IARS1: variants seen among roughly 807,000 people sequenced by gnomAD.
The protein encoded by IARS1 is isoleucyl-tRNA synthetase 1, also known as isoleucine--tRNA ligase, cytoplasmic.
A neutral mutation model predicts 168.2 loss-of-function variants in IARS1; 124 were observed. That is an observed-to-expected ratio of 0.74 (90% confidence interval 0.64 to 0.86). IARS1 has a LOEUF of 0.86. Among genes scored for constraint, IARS1 ranks in the 40% least tolerant of loss-of-function variants. IARS1 has a pLI of 0.00. For synonymous variants in IARS1, 532 were observed against 529.4 expected, an observed-to-expected ratio of 1.00 and a Z score of -0.07; for missense variants, 1,452 against 1,515.8, an observed-to-expected ratio of 0.96 and a Z score of 0.70.
At position 92,227,589 on chromosome 9, in the gene IARS1, G is replaced by A. The variant is rs1825935441; in HGVS notation, c.3409+1412C>T. ...TCCTCACTTCTCAGACGGGGCGGCT[G>A]CCGGGCGGAGGGGCTCCTCACTTCT... On this transcript the variant is annotated intron_variant, in intron 31 of 33. Coordinates refer to ENST00000443024, the MANE Select transcript of IARS1 (RefSeq NM_002161.6). Among the ~76,000 whole-genome samples the A allele has an allele frequency of 2.7e-5, 4 of 147,114 alleles. No individual in the cohort carries two copies. The South Asian group carries it at 6.3e-4, about 23-fold the overall frequency.
At chr9:92,281,415 T>C (rs1834545741) in intron 6 of IARS1, among the ~76,000 whole-genome samples, 1 of 152,190 alleles carries the variant, frequency 6.6e-6, no homozygotes, top group Non-Finnish European at 1.5e-5. Flanking sequence ...ATTACAGGCG[T>C]GAGTCACCAT....
chr9:92,261,753 C>A (rs111806632), intron 17 of IARS1, among the ~76,000 whole-genome samples: 2 of 151,624 alleles, frequency 1.3e-5, no homozygotes, highest in Non-Finnish European at 2.9e-5. Flanking sequence ...AATACAATTT[C>A]CCCCTTTTTT....
In IARS1 at chr9:92,268,212, T is replaced by C. The variant is rs764069993; in HGVS notation, c.1393A>G (p.Thr465Ala). ...TCGCTGACCCACAGTGGGATGGGGG[T>C]GCCCCAGTATCTGTTTCTGGAAATT... ...WTISRNRYWG[T>A]PIPLWVSDDF... The change falls in exon 14 of 34, where the codon ACC (threonine) becomes GCC (alanine). Residue 465 changes from threonine (T) to alanine (A), a missense_variant. Thr to Ala is a moderately conservative substitution (Grantham distance 58). Coordinates refer to ENST00000443024, the MANE Select transcript of IARS1 (RefSeq NM_002161.6). 7.5e-6 allele frequency: 12 copies of C among 1,610,434 alleles called. No individual in the cohort carries two copies. The highest frequency in any genetic ancestry group is 9.3e-6 in the Non-Finnish European group (11 of 1,179,108).
chr9:92,221,123 C>A (rs1421665048), intron 33 of IARS1, among the ~76,000 whole-genome samples: 2 of 151,944 alleles, frequency 1.3e-5, no homozygotes, highest in Non-Finnish European at 1.5e-5. Context: ...ACCTTACCTG[C>A]AGAGGAACAA....
chr9:92,282,902 T>C (rs1382149188), intron 6 of IARS1, among the ~76,000 whole-genome samples: 2 of 150,596 alleles, frequency 1.3e-5, no homozygotes, highest in African/African-American at 4.9e-5. Flanking sequence ...TCACCCAGGC[T>C]GGAGTGCAGT....
intron 33 of IARS1, among the ~76,000 whole-genome samples, chr9:92,221,778 A>G (rs1380256660): frequency 6.6e-6 from 1 of 152,172 alleles, no homozygotes; most frequent in African/African-American, 2.4e-5. Flanking sequence ...TCACAGTGTT[A>G]CGTGTCTCAA....
intron 6 of IARS1, among the ~76,000 whole-genome samples, chr9:92,284,151 T>C (rs563917994): frequency 6.6e-6 from 1 of 152,326 alleles, no homozygotes; most frequent in Admixed American, 6.5e-5. Context: ...CACTCTAGCC[T>C]GGGTGACATA....
intron 33 of IARS1, among the ~76,000 whole-genome samples, chr9:92,212,057 G>A (rs916531495): frequency 6.6e-6 from 1 of 152,144 alleles, no homozygotes; most frequent in African/African-American, 2.4e-5. Flanking sequence ...AAAGCAAACA[G>A]ATGAGCTTCC....
At chr9:92,267,861 T>C (rs1832503787) in intron 14 of IARS1, among the ~76,000 whole-genome samples, 1 of 152,132 alleles carries the variant, frequency 6.6e-6, no homozygotes, top group Admixed American at 6.5e-5. Flanking sequence ...TATACCTTAA[T>C]GTAGGGGGAA....
At chr9:92,249,113 A>G (rs1017517373) in intron 25 of IARS1, among the ~76,000 whole-genome samples, 1 of 152,222 alleles carries the variant, frequency 6.6e-6, no homozygotes, top group Non-Finnish European at 1.5e-5. Context: ...AATTAAATAA[A>G]TTATGAAGCA....
chr9:92,242,371 C>A, intron 28 of IARS1, 41 bp from the exon 29 acceptor site: 1 of 1,517,274 alleles, frequency 6.6e-7, no homozygotes, highest in Non-Finnish European at 9.0e-7. Flanking sequence ...GAAGTACATT[C>A]TATTAATCAG....
chr9:92,223,499 A>G lies in IARS1; in HGVS notation c.3410-10T>C. The G allele has an allele frequency of 6.2e-7, 1 of 1,605,642 alleles. No homozygotes were observed. Among genetic ancestry groups the G allele is most frequent in the Non-Finnish European group, 8.5e-7 (1 of 1,175,096 alleles). On this transcript the variant is annotated splice_polypyrimidine_tract_variant and intron_variant, in intron 31 of 33. Coordinates refer to ENST00000443024, the MANE Select transcript of IARS1 (RefSeq NM_002161.6). ...GTTTGGTTTTGTATTTCTAAAAATAACAACAACAATTCTTTCAGGGTTAAC... is the reference window on the plus strand; with the variant it reads ...GTTTGGTTTTGTATTTCTAAAAATAGCAACAACAATTCTTTCAGGGTTAAC...
At chr9:92,293,298 CAATAA>C (rs143232399) in intron 1 of IARS1, 12,548 of 290,980 alleles carry the variant, frequency 0.043, 391 homozygotes, top group South Asian at 0.087. Flanking sequence ...TACGGTACAT[CAATAA>C]AATAAGTATC....
intron 20 of IARS1, among the ~76,000 whole-genome samples, chr9:92,255,306 C>T (rs2236341): frequency 0.4 from 61,573 of 152,054 alleles, 14,728 homozygotes; most frequent in African/African-American, 0.66. Flanking sequence ...CTGTGGCGGC[C>T]GCTGCTCCTG....
intron 9 of IARS1, among the ~76,000 whole-genome samples, chr9:92,276,771 T>C (rs1833834717): frequency 6.6e-6 from 1 of 152,204 alleles, no homozygotes; most frequent in African/African-American, 2.4e-5. Flanking sequence ...TTCAAGACCT[T>C]TAAATAAGGA....
chr9:92,260,819 T>A (rs1409653312), intron 17 of IARS1, among the ~76,000 whole-genome samples: 5 of 152,224 alleles, frequency 3.3e-5, no homozygotes, highest in Non-Finnish European at 7.3e-5. Context: ...TACATTATCA[T>A]AAAAACCTAT....
At chr9:92,249,800 C>G in intron 25 of IARS1, 58 bp downstream of exon 25, 1 of 828,518 alleles carries the variant, frequency 1.2e-6, no homozygotes, top group Non-Finnish European at 2.0e-6. Flanking sequence ...GAGGATTATT[C>G]ATCAAAATAA....
intron 31 of IARS1, among the ~76,000 whole-genome samples, chr9:92,227,112 A>T (rs1323519987): frequency 7.3e-6 from 1 of 136,930 alleles, no homozygotes; most frequent in African/African-American, 2.8e-5. Context: ...CAGAGAGCAC[A>T]GGGTTGGGGG....
chr9:92,285,695 T>G (rs1835341323), intron 6 of IARS1, 27 bp downstream of exon 6: 1 of 1,395,324 alleles, frequency 7.2e-7, no homozygotes, highest in Admixed American at 1.7e-5. Flanking sequence ...AACTCAATGC[T>G]GAATAATGTC....
Sources: allele counts gnomAD v4.1 joint callset (sites outside exome capture counted in the v4.1 genomes callset), GRCh38; gene constraint gnomAD v4.1.1; transcripts MANE v1.5; gene names NCBI Gene and HGNC (gene_info 2026-07-23, HGNC 2026-07-21).